ADRA1A: variants seen among roughly 807,000 people sequenced by gnomAD.
ADRA1A encodes the protein alpha-1A adrenergic receptor.
A neutral mutation model predicts 29.6 loss-of-function variants in ADRA1A; 31 were observed. That is an observed-to-expected ratio of 1.05 (90% CI 0.79 to 1.41). The LOEUF (loss-of-function observed/expected upper bound fraction) is 1.41, where lower values mean the gene tolerates loss of function less well. ADRA1A is among the 40% of genes most tolerant of loss of function. The probability of loss-of-function intolerance (pLI) is 0.00; values close to 1 mark genes in which losing one functional copy is unlikely to be tolerated. For synonymous variants in ADRA1A, 311 were observed against 254.3 expected (o/e 1.22, Z -2.12); for missense variants, 619 against 601.1 (o/e 1.03, Z -0.31).
intron 2 of ADRA1A, among the ~76,000 whole-genome samples, chr8:26,847,449 T>A (rs934858427): frequency 6.6e-6 from 1 of 152,172 alleles, no homozygotes; most frequent in African/African-American, 2.4e-5. Context: ...TCTTTAGTAA[T>A]TTCCAAATGA....
intron 2 of ADRA1A, among the ~76,000 whole-genome samples, chr8:26,751,058 A>G (rs192848100): frequency 7.0e-6 from 1 of 142,450 alleles, no homozygotes; most frequent in East Asian, 2.1e-4. Flanking sequence ...AACAAGAGCA[A>G]AACTCTGTCT....
At chr8:26,792,621 T>A (rs1807914284) in intron 2 of ADRA1A, among the ~76,000 whole-genome samples, 1 of 148,658 alleles carries the variant, frequency 6.7e-6, no homozygotes, top group South Asian at 2.1e-4. Context: ...TTCTCACTCA[T>A]GCTTTGCCTT....
chr8:26,866,238 A>C lies in ADRA1A; in HGVS notation c.-686-583T>G, dbSNP rs61757016. On this transcript the variant is annotated intron_variant, in intron 1 of 2. Coordinates refer to ENST00000380573, the MANE Select transcript of ADRA1A (RefSeq NM_000680.4). The surrounding 1 kb of genome is among the most constrained non-coding windows in gnomAD (Gnocchi z 5.7). ...TCTGTCCACCAGCCAAGCTGGCTTG[A>C]GAGCCAGGTCCCGAGCGAAGCCGGG... Among the ~76,000 whole-genome samples the C allele has an allele frequency of 6.6e-6, 1 of 152,118 alleles. No homozygotes were observed. The highest frequency in any genetic ancestry group is 2.4e-5 in the African/African-American group (1 of 41,428).
intron 2 of ADRA1A, among the ~76,000 whole-genome samples, chr8:26,758,381 A>G (rs1805315419): frequency 6.6e-6 from 1 of 152,124 alleles, no homozygotes; most frequent in South Asian, 2.1e-4. Context: ...GCTTGAAGAT[A>G]CTTTAAAGGT....
At chr8:26,753,450 A>AT (rs3215080), downstream of ADRA1A, among the ~76,000 whole-genome samples, 3 of 151,558 alleles carry the variant, frequency 2.0e-5, no homozygotes, top group African/African-American at 2.4e-5. Context: ...TATACTTTCT[A>AT]TTTTTTTTTA....
In ADRA1A at chr8:26,836,909, C is replaced by T. The variant is rs115153551; in HGVS notation, c.883+27178G>A. Among the ~76,000 whole-genome samples the T allele has an allele frequency of 2.9e-3, 436 of 152,184 alleles. 2 individuals are homozygous for T. Among genetic ancestry groups the T allele is most frequent in the African/African-American group, 1.0e-2 (414 of 41,522 alleles). ...CCTTCAGACTGTGTGCCAGTGAATG[C>T]AGTTCCAAAGAGCTGAGAGAAGGGC... is the stretch of plus-strand genomic sequence containing the variant. On this transcript the variant is annotated intron_variant, in intron 2 of 2. Coordinates refer to ENST00000380573, the MANE Select transcript of ADRA1A (RefSeq NM_000680.4).
downstream of ADRA1A, among the ~76,000 whole-genome samples, chr8:26,768,364 G>A: frequency 6.6e-6 from 1 of 152,204 alleles, no homozygotes; most frequent in East Asian, 1.9e-4. Context: ...ACTGATTGTT[G>A]TCGAGAATTA....
At chr8:26,822,869 T>A (rs1226277545) in intron 2 of ADRA1A, among the ~76,000 whole-genome samples, 1 of 152,120 alleles carries the variant, frequency 6.6e-6, no homozygotes, top group African/African-American at 2.4e-5. Flanking sequence ...AGCAAGAAAG[T>A]GGTGGGAGGA....
chr8:26,756,961 T>G lies in ADRA1A; in HGVS notation c.1270-182A>C, dbSNP rs985838510. 3.4e-6 allele frequency: 3 copies of G among 871,216 alleles called. No individual in the cohort carries two copies. In the African/African-American group the frequency reaches 5.1e-5, roughly 15 times the overall value. The allele number at this position is 871,216 out of a possible 1,614,324, so 54.0% of individuals were successfully genotyped here. A position where few individuals can be genotyped will look rare whatever the true frequency, so the allele number is the denominator to read the frequency against. On this transcript the variant is annotated intron_variant, in intron 2 of 2. Coordinates refer to the ADRA1A transcript ENST00000380582. Reference sequence around the variant, plus strand: ...AGCGGGTTCTCAAGTTGAGGATCCCTCTCATTTCCTCATTAGCCAGGCTGG... The same window carrying G: ...AGCGGGTTCTCAAGTTGAGGATCCCGCTCATTTCCTCATTAGCCAGGCTGG...
At chr8:26,800,457 G>A (rs548332788) in intron 2 of ADRA1A, among the ~76,000 whole-genome samples, 6 of 152,226 alleles carry the variant, frequency 3.9e-5, no homozygotes, top group Middle Eastern at 3.4e-3. Flanking sequence ...AATGGTGTAA[G>A]AGTAATTGAA....
chr8:26,809,497 C>T (rs1240664549), intron 2 of ADRA1A, among the ~76,000 whole-genome samples: 4 of 152,190 alleles, frequency 2.6e-5, no homozygotes, highest in Non-Finnish European at 4.4e-5. Flanking sequence ...ATTCTATTTC[C>T]CAGTGAGCCA....
At chr8:26,853,808 A>C (rs1812803381) in intron 2 of ADRA1A, 1 of 152,240 alleles carries the variant, frequency 6.6e-6, no homozygotes, top group South Asian at 2.1e-4. Flanking sequence ...GAGAAGGCAC[A>C]TTCAATGAAA....
chr8:26,854,913 C>T (rs980406839), intron 2 of ADRA1A, among the ~76,000 whole-genome samples: 9 of 151,998 alleles, frequency 5.9e-5, no homozygotes, highest in Non-Finnish European at 1.3e-4. Flanking sequence ...AGAAAGAGGC[C>T]CCAGGGAGCT....
chr8:26,867,272 G>T lies in ADRA1A; in HGVS notation c.-1023C>A. ...AAGGAACTTTGCAGCTCTCGCTGAC[G>T]TAACTCAGGCAGTAGCCCAGCTAGT... On this transcript the variant is annotated 5_prime_UTR_variant, in exon 1 of 3. Transcript: ENST00000380573. 1.0e-6 allele frequency: 1 copy of T among 985,488 alleles called. No individual in the cohort carries two copies. The highest frequency in any genetic ancestry group is 1.2e-6 in the Non-Finnish European group (1 of 829,966). The allele number at this position is 985,488 out of a possible 1,614,324, so 61.0% of individuals were successfully genotyped here.
chr8:26,753,118 G>A (rs967581337), downstream of ADRA1A, among the ~76,000 whole-genome samples: 1 of 152,200 alleles, frequency 6.6e-6, no homozygotes, highest in Non-Finnish European at 1.5e-5. Flanking sequence ...CGAAAGGGTA[G>A]CCCTGAGGCT....
intron 2 of ADRA1A, among the ~76,000 whole-genome samples, chr8:26,782,063 C>T (rs960124548): frequency 5.9e-5 from 9 of 152,204 alleles, no homozygotes; most frequent in Non-Finnish European, 1.2e-4. Flanking sequence ...GAGGCATGGC[C>T]CTTGCATCTT....
chr8:26,844,875 T>C (rs1479258729), intron 2 of ADRA1A, among the ~76,000 whole-genome samples: 1 of 151,944 alleles, frequency 6.6e-6, no homozygotes, highest in East Asian at 1.9e-4. Context: ...AGAAGAAGAG[T>C]TGTCTTGGGA....
At chr8:26,794,440 T>G (rs189328926) in intron 2 of ADRA1A, among the ~76,000 whole-genome samples, 1 of 152,196 alleles carries the variant, frequency 6.6e-6, no homozygotes, top group Admixed American at 6.6e-5. Flanking sequence ...CAGGGCCAGA[T>G]AGTAAATATT....
chr8:26,798,759 G>A (rs990056577), intron 2 of ADRA1A, among the ~76,000 whole-genome samples: 2 of 152,072 alleles, frequency 1.3e-5, no homozygotes, highest in African/African-American at 4.8e-5. Context: ...ACCCAAATAA[G>A]ATTATTTCTA....
Sources: gnomAD v4.1 joint callset for allele counts (sites outside exome capture counted in the v4.1 genomes callset) on GRCh38, gnomAD v4.1.1 for gene constraint, Gnocchi (gnomAD v3.1) non-coding constraint, MANE v1.5 for transcripts, NCBI Gene and HGNC (gene_info 2026-07-23, HGNC 2026-07-21) for gene names.